FLNB: variants seen among roughly 807,000 people sequenced by gnomAD.
The protein encoded by FLNB is filamin-B.
In FLNB, 111 loss-of-function variants were observed where a neutral mutation model predicts 250.6. The ratio of observed to expected loss-of-function variants is 0.44; its 90% confidence interval spans 0.38 to 0.52. The LOEUF (loss-of-function observed/expected upper bound fraction) is 0.52. FLNB is among the 20% of genes least tolerant of loss of function. FLNB has a pLI of 0.00. For synonymous variants in FLNB, 1,302 were observed against 1,372.1 expected, an observed-to-expected ratio of 0.95 and a Z score of 1.13; for missense variants, 2,869 against 3,447.8, an observed-to-expected ratio of 0.83 and a Z score of 4.20.
chr3:58,094,420 G>A (rs1018576654), intron 4 of FLNB, among the ~76,000 whole-genome samples: 3 of 152,160 alleles, frequency 2.0e-5, no homozygotes, highest in African/African-American at 7.2e-5. Context: ...GAATTTGCTC[G>A]ATCATCTTAA....
chr3:58,008,680 A>G lies in FLNB; in HGVS notation c.116A>G (p.Asn39Ser). 2 of 1,614,164 alleles carry G rather than the reference A, an allele frequency of 1.2e-6. No individual in the cohort carries two copies. Among genetic ancestry groups the G allele is most frequent in the South Asian group, 2.2e-5 (2 of 91,090 alleles). The change falls in exon 1 of 46, where the codon AAC becomes AGC. Residue 39 changes from asparagine (N) to serine (S), a missense_variant. Physicochemically the swap from Asn to Ser is conservative, Grantham distance 46. This residue lies in a region of FLNB where 308 missense variants were observed against 466.1 expected (regional missense o/e 0.66). Transcript: ENST00000295956. ...HLKCVNKRIG[N>S]LQTDLSDGLR... ...AAGTGCGTGAACAAACGCATCGGCA[A>G]CCTGCAGACCGACCTGAGCGACGGG...
At position 58,126,594 on chromosome 3, in the gene FLNB, C is replaced by G. The variant is rs369254062; in HGVS notation, c.4062-8C>G. ...TGCACATTTCACTTTCTTTTCCACT[C>G]TTTCCAGAGGCGCAGGAATTGGTGG... On this transcript the variant is annotated splice_region_variant and splice_polypyrimidine_tract_variant and intron_variant, in intron 23 of 45. Coordinates refer to ENST00000295956, the MANE Select transcript of FLNB (RefSeq NM_001457.4). 1.2e-6 allele frequency: 2 copies of G among 1,613,612 alleles called. No individual in the cohort carries two copies. Among genetic ancestry groups the G allele is most frequent in the South Asian group, 1.1e-5 (1 of 91,052 alleles).
chr3:58,035,765 A>G (rs1230605034), intron 1 of FLNB, among the ~76,000 whole-genome samples: 1 of 152,206 alleles, frequency 6.6e-6, no homozygotes, highest in Non-Finnish European at 1.5e-5. Flanking sequence ...TCCTAGTTGG[A>G]CAGAATGCCT....
intron 4 of FLNB, among the ~76,000 whole-genome samples, chr3:58,093,068 G>T (rs1055294686): frequency 1.3e-5 from 2 of 152,166 alleles, no homozygotes; most frequent in African/African-American, 4.8e-5. Context: ...TTCTGTCCAG[G>T]TTTGCTACAA....
rs1441289434 is a variant in FLNB, at chr3:58,067,444, C to T, written c.293-9602C>T. ...AATTGGAAATCCAGCCAACTTCGGC[C>T]CCCTTGTCTACTTGTATTTTACTGT... On this transcript the variant is annotated intron_variant, in intron 1 of 45. Coordinates refer to ENST00000295956, the MANE Select transcript of FLNB (RefSeq NM_001457.4). Among the ~76,000 whole-genome samples the T allele has an allele frequency of 5.3e-5, 8 of 152,070 alleles. No individual in the cohort carries two copies. The East Asian group carries it at 1.3e-3, about 26-fold the overall frequency.
At chr3:58,045,270 A>G (rs2097151999) in intron 1 of FLNB, among the ~76,000 whole-genome samples, 1 of 152,192 alleles carries the variant, frequency 6.6e-6, no homozygotes, top group South Asian at 2.1e-4. Context: ...CACCATGATC[A>G]GTTTGAAAAT....
At chr3:58,073,777 T>G (rs1478481317) in intron 1 of FLNB, among the ~76,000 whole-genome samples, 4 of 152,152 alleles carry the variant, frequency 2.6e-5, no homozygotes, top group African/African-American at 4.8e-5. Context: ...TTCATTCAGG[T>G]TCATTCAGGT....
intron 1 of FLNB, among the ~76,000 whole-genome samples, chr3:58,025,205 T>C (rs1488939563): frequency 6.8e-6 from 1 of 147,396 alleles, no homozygotes; most frequent in Non-Finnish European, 1.5e-5. Flanking sequence ...TCACGGCTCA[T>C]TGCAGCCTCG....
At chr3:58,037,658 A>G (rs938535888) in intron 1 of FLNB, among the ~76,000 whole-genome samples, 3 of 152,138 alleles carry the variant, frequency 2.0e-5, no homozygotes. Flanking sequence ...TAAAATGGCC[A>G]TGATTCTGTT....
chr3:58,045,722 A>G (rs2097152892), intron 1 of FLNB, among the ~76,000 whole-genome samples: 2 of 152,152 alleles, frequency 1.3e-5, no homozygotes, highest in South Asian at 4.1e-4. Flanking sequence ...GAGTTGGACC[A>G]GGAATGGTTG....
At chr3:58,106,914 C>G in intron 12 of FLNB, 41 bp downstream of exon 12, 1 of 1,568,650 alleles carries the variant, frequency 6.4e-7, no homozygotes, top group South Asian at 1.1e-5. Context: ...GTCCCTGGCC[C>G]CTGGTTCCTC....
At chr3:58,074,125 G>T (rs529877751) in intron 1 of FLNB, among the ~76,000 whole-genome samples, 1 of 152,328 alleles carries the variant, frequency 6.6e-6, no homozygotes, top group Admixed American at 6.5e-5. Context: ...TAAAGGAGAC[G>T]ACAAACAGAA....
chr3:58,167,803 C>T (rs2097373346), intron 43 of FLNB, among the ~76,000 whole-genome samples: 1 of 152,252 alleles, frequency 6.6e-6, no homozygotes, highest in African/African-American at 2.4e-5. Flanking sequence ...GATTCCATAC[C>T]ACATGCGTAA....
At chr3:58,067,191 CTTT>C (rs11303605) in intron 1 of FLNB, among the ~76,000 whole-genome samples, 1 of 148,118 alleles carries the variant, frequency 6.8e-6, no homozygotes, top group Non-Finnish European at 1.5e-5. Context: ...TTTTAGCAGT[CTTT>C]TTTTTTTTTG....
At position 58,170,706 on chromosome 3, in the gene FLNB, G is replaced by A. The variant is rs1343872715; in HGVS notation, c.7753G>A (p.Val2585Met). The A allele has an allele frequency of 2.4e-5, 38 of 1,614,088 alleles. No homozygotes were observed. The highest frequency in any genetic ancestry group is 3.1e-5 in the Non-Finnish European group (37 of 1,180,044). The stretch of plus-strand genomic sequence containing the variant: ...GGAGAGGGGCGATTATGTGCTGGCT[G>A]TGAAGTGGGGGGAGGAACACATCCC... The part of the protein sequence containing the change: ...VKERGDYVLA[V>M]KWGEEHIPGS... Residue 2585 changes from valine (V) to methionine (M), a missense_variant, in exon 46 of 46, where the codon GTG (valine) becomes ATG (methionine). Val to Met is a conservative substitution (Grantham distance 21). Transcript: ENST00000295956.
chr3:58,156,081 A>C lies in FLNB; in HGVS notation c.6888+6A>C. 6.2e-7 allele frequency: 1 copy of C among 1,609,152 alleles called. No individual in the cohort carries two copies. Among genetic ancestry groups the C allele is most frequent in the South Asian group, 1.1e-5 (1 of 91,006 alleles). ...TCACTGTTATGAGCCTTCAGGTGAGATGCAAGGAAGCATCCATCTCCTTGG... is the reference window on the plus strand; with the variant it reads ...TCACTGTTATGAGCCTTCAGGTGAGCTGCAAGGAAGCATCCATCTCCTTGG... On this transcript the variant is annotated splice_donor_region_variant and intron_variant, in intron 41 of 45. Coordinates refer to ENST00000295956, the MANE Select transcript of FLNB (RefSeq NM_001457.4).
rs1269948902 is a variant in FLNB at position 58,142,186 on chromosome 3, G to A, written c.5181+257G>A. ...GGTGCAGTTTGTCTCTGTGTTTAAA[G>A]AGAAAGACAGACAGCTGTCTGCAGC... On this transcript the variant is annotated intron_variant, in intron 30 of 45. Transcript: ENST00000295956. The surrounding 1 kb of genome is among the most constrained non-coding windows in gnomAD (Gnocchi z 4.3). Among the ~76,000 whole-genome samples, 3 of 152,212 alleles carry A rather than the reference G, an allele frequency of 2.0e-5. No homozygotes were observed. Among genetic ancestry groups the A allele is most frequent in the African/African-American group, 7.2e-5 (3 of 41,454 alleles).
At chr3:58,106,644 T>C in intron 11 of FLNB, 36 bp from the exon 12 acceptor site, 1 of 1,598,804 alleles carries the variant, frequency 6.3e-7, no homozygotes, top group Non-Finnish European at 8.6e-7. Flanking sequence ...CTTTCCACCA[T>C]ATAACCAGGG....
At chr3:58,145,809 G>A (rs934124733) in intron 32 of FLNB, 112 bp from the exon 33 acceptor site, 2 of 1,329,430 alleles carry the variant, frequency 1.5e-6, no homozygotes, top group Non-Finnish European at 2.2e-6. Context: ...TCATGCCTCT[G>A]CTTAGGAGGC....
Sources: allele counts gnomAD v4.1 joint callset (sites outside exome capture counted in the v4.1 genomes callset), GRCh38; gene constraint gnomAD v4.1.1; regional missense constraint gnomAD v4.1.1; non-coding constraint Gnocchi (gnomAD v3.1); transcripts MANE v1.5; gene names NCBI Gene and HGNC (gene_info 2026-07-23, HGNC 2026-07-21).